Variants in USP15 observed in about 807,000 individuals in gnomAD.
USP15 encodes ubiquitin specific peptidase 15.
A neutral mutation model predicts 127.1 loss-of-function variants in USP15; 18 were observed. The ratio of observed to expected loss-of-function variants is 0.14; its 90% confidence interval spans 0.10 to 0.21. The LOEUF (loss-of-function observed/expected upper bound fraction) is 0.21, where lower values mean the gene tolerates loss of function less well. USP15 is among the 10% of genes least tolerant of loss of function. The pLI is 1.00. For missense variants in USP15, 805 were observed against 1,159.9 expected (o/e 0.69, Z 4.44); for synonymous variants, 364 against 393.7 (o/e 0.92, Z 0.89).
chr12:62,332,327 C>G (rs1379058156), intron 6 of USP15, among the ~76,000 whole-genome samples: 9 of 151,894 alleles, frequency 5.9e-5, no homozygotes, highest in Admixed American at 5.9e-4. Context: ...TCTTAAACAG[C>G]CTCTTAAAAA....
At chr12:62,287,292 C>T (rs2063815885) in intron 1 of USP15, among the ~76,000 whole-genome samples, 1 of 152,030 alleles carries the variant, frequency 6.6e-6, no homozygotes, top group South Asian at 2.1e-4. Context: ...ATGTAACAAA[C>T]CTGCATATGT....
chr12:62,279,438 A>G (rs12316469), intron 1 of USP15, among the ~76,000 whole-genome samples: 60,382 of 152,044 alleles, frequency 0.4, 12,539 homozygotes, highest in East Asian at 0.55. Context: ...TGCAGTAAAC[A>G]TGATAGTACA....
At chr12:62,326,110 G>GT (rs2065114063) in intron 6 of USP15, among the ~76,000 whole-genome samples, 177 bp downstream of exon 6, 1 of 152,082 alleles carries the variant, frequency 6.6e-6, no homozygotes. Context: ...TAATTAATAT[G>GT]TTACTATTTT....
At chr12:62,287,804 C>T (rs996063088) in intron 1 of USP15, among the ~76,000 whole-genome samples, 11 of 152,234 alleles carry the variant, frequency 7.2e-5, no homozygotes, top group African/African-American at 2.4e-4. Context: ...CATTCTTCTG[C>T]ATGTGGCAAT....
intron 8 of USP15, among the ~76,000 whole-genome samples, chr12:62,358,219 C>T (rs1371326973): frequency 6.6e-6 from 1 of 151,782 alleles, no homozygotes; most frequent in Non-Finnish European, 1.5e-5. Flanking sequence ...ATACTTAGCC[C>T]ATCAGTAGCC....
intron 6 of USP15, chr12:62,335,284 A>C (rs925983064): frequency 1.0e-5 from 15 of 1,498,244 alleles, no homozygotes; most frequent in Non-Finnish European, 1.2e-5. Flanking sequence ...AAATAACCTG[A>C]TATTAACTCC....
At chr12:62,314,136 G>A (rs10877824) in intron 3 of USP15, 112,775 of 447,292 alleles carry the variant, frequency 0.25, 14,950 homozygotes, top group African/African-American at 0.36. Flanking sequence ...TTTAATTGCT[G>A]CATAGAATTA....
chr12:62,409,620 CA>C lies in USP15; in HGVS notation c.*5248del, dbSNP rs2067989170. The C allele has an allele frequency of 6.6e-6, 1 of 152,020 alleles. No homozygotes were observed. Among genetic ancestry groups the C allele is most frequent in the Non-Finnish European group, 1.5e-5 (1 of 67,958 alleles). The allele number at this position is 152,020 out of a possible 1,614,324, so 9.4% of individuals were successfully genotyped here. A position where few individuals can be genotyped will look rare whatever the true frequency, so the allele number is the denominator to read the frequency against. ...GCTTGTTCTATATAGTTTGGTGAAA[CA>C]AACAAAACAGTTTTTATCTGCTGTG... On this transcript the variant is annotated 3_prime_UTR_variant, in exon 22 of 22. Coordinates refer to ENST00000280377, the MANE Select transcript of USP15 (RefSeq NM_001252078.2).
chr12:62,361,105 C>T (rs900338323), intron 8 of USP15, among the ~76,000 whole-genome samples: 5 of 152,136 alleles, frequency 3.3e-5, no homozygotes, highest in East Asian at 1.9e-4. Flanking sequence ...GAAGAACCTA[C>T]GTTCTCAGAC....
chr12:62,339,976 G>A (rs2065597642), intron 6 of USP15, among the ~76,000 whole-genome samples: 1 of 152,078 alleles, frequency 6.6e-6, no homozygotes, highest in African/African-American at 2.4e-5. Context: ...GCTCCTCTTT[G>A]TACCTCTGGT....
intron 2 of USP15, among the ~76,000 whole-genome samples, chr12:62,300,600 T>G (rs1451961859): frequency 1.3e-5 from 2 of 152,222 alleles, no homozygotes; most frequent in Middle Eastern, 3.4e-3. Flanking sequence ...CAGAAATAGA[T>G]CTACACATAT....
intron 18 of USP15, 50 bp from the exon 19 acceptor site, chr12:62,393,003 G>A (rs2067371699): frequency 3.2e-6 from 5 of 1,570,130 alleles, no homozygotes; most frequent in Non-Finnish European, 4.3e-6. Flanking sequence ...TTCATTAATG[G>A]GGGTTGTTTG....
rs574138299 is a variant in USP15 at position 62,336,381 on chromosome 12, G to A, written c.683+10448G>A. 1.7e-4 allele frequency: 167 copies of A among 985,206 alleles called. 2 individuals are homozygous for A. The African/African-American group carries it at 2.8e-3, about 17-fold the overall frequency. The allele number at this position is 985,206 out of a possible 1,614,324, so 61.0% of individuals were successfully genotyped here. Reference sequence around the variant, plus strand: ...TCATTTCCTGTATTGCCTATTTCAAGTACCATCCAAGAGCCATCCTGAGTT... The same window carrying A: ...TCATTTCCTGTATTGCCTATTTCAAATACCATCCAAGAGCCATCCTGAGTT... On this transcript the variant is annotated intron_variant, in intron 6 of 21. Coordinates refer to ENST00000280377, the MANE Select transcript of USP15 (RefSeq NM_001252078.2).
rs1244157015 is a variant in USP15 at position 62,407,361 on chromosome 12, T to C, written c.*2986T>C. The stretch of plus-strand genomic sequence containing the variant: ...TCACTGTGTTATAGTGTCTGCCTCA[T>C]AGGATTGTTGAGAGCTCAAATGAGA... On this transcript the variant is annotated 3_prime_UTR_variant, in exon 22 of 22. Coordinates refer to ENST00000280377, the MANE Select transcript of USP15 (RefSeq NM_001252078.2). The C allele has an allele frequency of 6.6e-6, 1 of 152,198 alleles. No homozygotes were observed. Among genetic ancestry groups the C allele is most frequent in the Non-Finnish European group, 1.5e-5 (1 of 68,028 alleles). 9.4% of individuals were successfully genotyped at this position (152,198 alleles called of 1,614,324 possible). A position where few individuals can be genotyped will look rare whatever the true frequency, so the allele number is the denominator to read the frequency against.
At chr12:62,332,840 A>G (rs560043854) in intron 6 of USP15, among the ~76,000 whole-genome samples, 1 of 128,914 alleles carries the variant, frequency 7.8e-6, no homozygotes, top group South Asian at 2.5e-4. Flanking sequence ...CTGAAACACT[A>G]TAAACTTAAT....
chr12:62,354,441 G>A (rs545991478), intron 7 of USP15, among the ~76,000 whole-genome samples: 2 of 151,740 alleles, frequency 1.3e-5, no homozygotes, highest in East Asian at 1.9e-4. Context: ...TTGAAAGCAT[G>A]CTTTTGAATT....
At chr12:62,275,062 C>A (rs141062331) in intron 1 of USP15, among the ~76,000 whole-genome samples, 6 of 152,052 alleles carry the variant, frequency 3.9e-5, no homozygotes, top group Admixed American at 3.9e-4. Flanking sequence ...TGTTATGGAG[C>A]GGGGAATATA....
At chr12:62,380,879 A>C (rs953094076) in intron 8 of USP15, among the ~76,000 whole-genome samples, 2 of 152,032 alleles carry the variant, frequency 1.3e-5, no homozygotes, top group Non-Finnish European at 2.9e-5. Flanking sequence ...ATTTTGCCAT[A>C]AAGGAAAATT....
At chr12:62,312,581 T>C (rs373207131) in intron 3 of USP15, among the ~76,000 whole-genome samples, 197 of 151,810 alleles carry the variant, frequency 1.3e-3, no homozygotes, top group African/African-American at 4.6e-3. Context: ...GATTTCATCA[T>C]GTACTCACTT....
Sources: allele counts gnomAD v4.1 joint callset (sites outside exome capture counted in the v4.1 genomes callset), GRCh38; gene constraint gnomAD v4.1.1; transcripts MANE v1.5; gene names NCBI Gene and HGNC (gene_info 2026-07-23, HGNC 2026-07-21).